The following DNAH17 variants were observed in gnomAD, a reference collection of about 807,000 sequenced individuals.
DNAH17 encodes the protein dynein axonemal heavy chain 17.
Under a neutral mutation model 485.6 loss-of-function variants are expected in DNAH17, and 376 were observed. That is an observed-to-expected ratio of 0.77 (90% CI 0.71 to 0.84). The LOEUF (loss-of-function observed/expected upper bound fraction) is 0.84, where lower values mean the gene tolerates loss of function less well. Among genes scored for constraint, DNAH17 ranks in the 40% least tolerant of loss-of-function variants. The pLI is 0.00. For missense variants in DNAH17, 6,370 were observed against 5,839.3 expected (o/e 1.09, Z -2.96); for synonymous variants, 3,031 against 2,405.9 (o/e 1.26, Z -7.60).
intron 70 of DNAH17, 98 bp from the exon 71 acceptor site, chr17:78,444,895 T>C: frequency 8.1e-7 from 1 of 1,238,440 alleles, no homozygotes; most frequent in Non-Finnish European, 1.1e-6. Context: ...GCCATTACCC[T>C]CCGAGGAAAC....
chr17:78,484,968 GCTT>G lies in DNAH17; in HGVS notation c.7546_7548del (p.Lys2516del). ...TTCATGTCGTCGATGAAGTAGACGA[GCTT>G]CTTAGTGCCTGGCGGCCCGTAGTTC... On this transcript the variant is annotated inframe_deletion, in exon 48 of 81. Coordinates refer to ENST00000389840, the MANE Select transcript of DNAH17 (RefSeq NM_173628.4). 1 of 1,613,396 alleles carries G rather than the reference GCTT, an allele frequency of 6.2e-7. No homozygotes were observed. Among genetic ancestry groups the G allele is most frequent in the Non-Finnish European group, 8.5e-7 (1 of 1,179,650 alleles).
At position 78,459,805 on chromosome 17, in the gene DNAH17, T is replaced by A. The variant is rs149423023; in HGVS notation, c.9632A>T (p.Glu3211Val). 4.6e-5 allele frequency: 74 copies of A among 1,613,902 alleles called. No homozygotes were observed. The African/African-American group carries it at 8.8e-4, about 19-fold the overall frequency. Residue 3211 changes from glutamate (E) to valine (V), a missense_variant, in exon 60 of 81, where the codon GAG becomes GTG. By Grantham distance (121) the Glu-to-Val change is moderately radical. Transcript: ENST00000389840. ...LKKFDKEHIP[E>V]ACLKAFKPYQ... ...TCACTTGAAGGCCTTCAGGCAGGCC[T>A]CAGGGATGTGCTCCTTGTCGAACTT... is the stretch of plus-strand genomic sequence containing the variant.
At chr17:78,463,890 G>T (rs530138557) in intron 56 of DNAH17, among the ~76,000 whole-genome samples, 1 of 152,166 alleles carries the variant, frequency 6.6e-6, no homozygotes, top group African/African-American at 2.4e-5. Context: ...TAGTGCTGGT[G>T]GTGGGGCCAA....
Position 78,468,838 on chromosome 17 carries a change from G to A in DNAH17, c.8557C>T (p.Pro2853Ser), listed in dbSNP as rs1228182499. The change falls in exon 55 of 81, where the codon CCC becomes TCC. Residue 2853 changes from proline to serine, a missense_variant. Pro to Ser is a moderately conservative substitution (Grantham distance 74, BLOSUM62 -1). Coordinates refer to ENST00000389840, the MANE Select transcript of DNAH17 (RefSeq NM_173628.4). ...QYIKAAVKNVPSVFLMTDSQV... is the reference protein window; with the variant it reads ...QYIKAAVKNVSSVFLMTDSQV... Reference sequence around the variant, plus strand: ...GAGTCTGTCATCAGGAACACCGAGGGAACGTTCTTCACGGCAGCCTTTATG... The same window carrying A: ...GAGTCTGTCATCAGGAACACCGAGGAAACGTTCTTCACGGCAGCCTTTATG... 3.1e-6 allele frequency: 5 copies of A among 1,613,992 alleles called. No individual in the cohort carries two copies. In the South Asian group the frequency reaches 5.5e-5, roughly 18 times the overall value.
chr17:78,431,593 G>T (rs371149973), intron 75 of DNAH17, among the ~76,000 whole-genome samples: 4 of 152,116 alleles, frequency 2.6e-5, no homozygotes, highest in African/African-American at 9.7e-5. Flanking sequence ...TTTCCTCAGA[G>T]CCCAGACGGC....
chr17:78,543,286 TG>T (rs1379563004), intron 17 of DNAH17, among the ~76,000 whole-genome samples: 8 of 59,168 alleles, frequency 1.4e-4, no homozygotes, highest in Admixed American at 3.4e-4. Flanking sequence ...GGTTAATTTT[TG>T]TTTTTTTTTT....
At chr17:78,533,948 A>C (rs964905982) in intron 19 of DNAH17, among the ~76,000 whole-genome samples, 1 of 152,154 alleles carries the variant, frequency 6.6e-6, no homozygotes, top group African/African-American at 2.4e-5. Context: ...AGCCTCCCAA[A>C]GTGTTGGGAT....
rs1023625371 is a variant in DNAH17, at chr17:78,562,055, G to A, written c.1570-75C>T. 2.5e-5 allele frequency: 37 copies of A among 1,480,948 alleles called. No individual in the cohort carries two copies. The African/African-American group carries it at 2.7e-4, about 11-fold the overall frequency. The allele number at this position is 1,480,948 out of a possible 1,614,324, so 91.7% of individuals were successfully genotyped here. A position where few individuals can be genotyped will look rare whatever the true frequency, so the allele number is the denominator to read the frequency against. On this transcript the variant is annotated intron_variant, in intron 11 of 80. Coordinates refer to ENST00000389840, the MANE Select transcript of DNAH17 (RefSeq NM_173628.4). ...CCCAGCCTGTGGCTGTGGACAAAACGGGCAGGGCCAATCTTCAGGAGTGAG... is the reference window on the plus strand; with the variant it reads ...CCCAGCCTGTGGCTGTGGACAAAACAGGCAGGGCCAATCTTCAGGAGTGAG...
At chr17:78,523,548 G>A (rs2090988176) in intron 25 of DNAH17, among the ~76,000 whole-genome samples, 1 of 152,116 alleles carries the variant, frequency 6.6e-6, no homozygotes, top group Admixed American at 6.6e-5. Context: ...GAAAAAAAAA[G>A]TCAACTAGAA....
At chr17:78,488,136 G>A (rs184196740) in intron 44 of DNAH17, among the ~76,000 whole-genome samples, 17 of 152,308 alleles carry the variant, frequency 1.1e-4, no homozygotes, top group Admixed American at 5.9e-4. Context: ...TGCCTTGGTA[G>A]GAGTCACTGA....
chr17:78,569,461 T>C lies in DNAH17; in HGVS notation c.1111A>G (p.Ser371Gly). 6.2e-7 allele frequency: 1 copy of C among 1,611,948 alleles called. No individual in the cohort carries two copies. ...GLQGEIEEVL[S>G]GISLAVNVLK... is the part of the protein sequence containing the mutation. ...ACATTTACAGCCAGGGAGATGCCACTCAGGACTTCCTCGATTTCACCTTGC... is the reference window on the plus strand; with the variant it reads ...ACATTTACAGCCAGGGAGATGCCACCCAGGACTTCCTCGATTTCACCTTGC... Residue 371 changes from serine (S) to glycine (G), a missense_variant, in exon 8 of 81, where the codon AGT becomes GGT. Ser to Gly is a moderately conservative substitution (Grantham distance 56). Coordinates refer to ENST00000389840, the MANE Select transcript of DNAH17 (RefSeq NM_173628.4).
chr17:78,569,318 G>C, intron 8 of DNAH17, 57 bp downstream of exon 8: 1 of 1,603,294 alleles, frequency 6.2e-7, no homozygotes. Flanking sequence ...TCAAATATCG[G>C]GGCTCATATG....
chr17:78,534,211 A>G (rs2120658), intron 19 of DNAH17, among the ~76,000 whole-genome samples: 115,584 of 152,156 alleles, frequency 0.76, 44,311 homozygotes, highest in African/African-American at 0.84. Context: ...AACTGAAGAC[A>G]GCCTATAGCC....
rs374627700 is a variant in DNAH17 at position 78,460,276 on chromosome 17, G to A, written c.9340-19C>T. ...TGACGTTCTGGAAGGAAGATGGACA[G>A]GAGAGGTTACTGCAGGCCTGTCCAT... is the stretch of plus-strand genomic sequence containing the variant. On this transcript the variant is annotated intron_variant, in intron 58 of 80. Transcript: ENST00000389840. 5.3e-4 allele frequency: 829 copies of A among 1,572,234 alleles called. 3 individuals carry two copies. In the African/African-American group the frequency reaches 9.5e-3, roughly 18 times the overall value.
intron 14 of DNAH17, among the ~76,000 whole-genome samples, chr17:78,553,749 G>GC (rs1179423741): frequency 6.6e-6 from 1 of 152,092 alleles, no homozygotes; most frequent in Non-Finnish European, 1.5e-5. Context: ...TCTCTTTCTA[G>GC]CCCATACCAT....
intron 33 of DNAH17, 190 bp from the exon 34 acceptor site, chr17:78,502,063 C>T (rs2090315401): frequency 1.4e-6 from 1 of 693,612 alleles, no homozygotes; most frequent in Non-Finnish European, 2.3e-6. Flanking sequence ...GATGGGACAC[C>T]TGGCAGTGGC....
Position 78,544,027 on chromosome 17 carries a change from G to A in DNAH17, c.2392-30C>T, listed in dbSNP as rs778906076. The A allele has an allele frequency of 3.1e-6, 5 of 1,613,148 alleles. No individual in the cohort carries two copies. The African/African-American group carries it at 5.3e-5, about 17-fold the overall frequency. On this transcript the variant is annotated intron_variant, in intron 16 of 80. Transcript: ENST00000389840. Reference sequence around the variant, plus strand: ...AAGGAAAGCACAGGAGTGAGAAAAGGTGTTCTGGAGAAACTGCTTTCAGTC... The same window carrying A: ...AAGGAAAGCACAGGAGTGAGAAAAGATGTTCTGGAGAAACTGCTTTCAGTC...
At chr17:78,425,104 A>G in intron 80 of DNAH17, 1 of 439,664 alleles carries the variant, frequency 2.3e-6, no homozygotes, top group East Asian at 3.8e-5. Context: ...ATTAAAGCAG[A>G]GGCCAGGTGA....
In DNAH17 at chr17:78,537,463, A is replaced by G; in HGVS notation, c.2695T>C (p.Phe899Leu). The change falls in exon 19 of 81, where the codon TTT becomes CTT. Residue 899 changes from phenylalanine (F) to leucine (L), a missense_variant. Transcript: ENST00000389840. Reference sequence around the variant, plus strand: ...TCGTCCAGCTCCATGCGGATCTCAAACAGGGGAGCGATACTCTCCTGAAAG... The same window carrying G: ...TCGTCCAGCTCCATGCGGATCTCAAGCAGGGGAGCGATACTCTCCTGAAAG... ...MVIDESIAPL[F>L]EIRMELDEDG... 1 of 1,613,288 alleles carries G rather than the reference A, an allele frequency of 6.2e-7. No homozygotes were observed. The highest frequency in any genetic ancestry group is 1.3e-5 in the African/African-American group (1 of 75,026).
Sources: allele counts gnomAD v4.1 joint callset (sites outside exome capture counted in the v4.1 genomes callset), GRCh38; gene constraint gnomAD v4.1.1; transcripts MANE v1.5; gene names NCBI Gene and HGNC (gene_info 2026-07-23, HGNC 2026-07-21).